GAK: variants seen among roughly 807,000 people sequenced by gnomAD.
GAK encodes the protein cyclin-G-associated kinase.
A neutral mutation model predicts 143.9 loss-of-function variants in GAK; 79 were observed. The ratio of observed to expected loss-of-function variants is 0.55; its 90% confidence interval spans 0.46 to 0.66. GAK has a LOEUF of 0.66. Ranked by LOEUF, GAK falls within the 30% of genes least tolerant of loss-of-function variation. The pLI is 0.00. For synonymous variants in GAK, 881 were observed against 765.5 expected (o/e 1.15, Z -2.49); for missense variants, 1,693 against 1,779.7 (o/e 0.95, Z 0.88).
chr4:882,644 G>A (rs1715375906), intron 14 of GAK, 53 bp downstream of exon 14: 2 of 1,595,918 alleles, frequency 1.3e-6, no homozygotes, highest in Admixed American at 1.7e-5. Flanking sequence ...AACTATGCAT[G>A]AAATAATGAA....
chr4:915,366 G>T, intron 1 of GAK: 1 of 184,236 alleles, frequency 5.4e-6, no homozygotes, highest in Admixed American at 6.2e-5. Flanking sequence ...GTTCTCCAAA[G>T]ACCAACGAGA....
chr4:866,544 C>T lies in GAK; in HGVS notation c.2873-10G>A. 6.2e-7 allele frequency: 1 copy of T among 1,612,094 alleles called. No individual in the cohort carries two copies. Reference sequence around the variant, plus strand: ...GGGCCAAAGGGGTCAGCTGTGGGGACAGGCGGGCATGGGGAGGACTCAGCC... The same window carrying T: ...GGGCCAAAGGGGTCAGCTGTGGGGATAGGCGGGCATGGGGAGGACTCAGCC... On this transcript the variant is annotated splice_polypyrimidine_tract_variant and intron_variant, in intron 21 of 27. Coordinates refer to ENST00000314167, the MANE Select transcript of GAK (RefSeq NM_005255.4).
At position 888,956 on chromosome 4, in the gene GAK, C is replaced by T. The variant is rs765473301; in HGVS notation, c.1096G>A (p.Glu366Lys). The change falls in exon 11 of 28, where the codon GAG becomes AAG. Residue 366 changes from glutamate to lysine, a missense_variant. By Grantham distance (56) the Glu-to-Lys change is moderately conservative. Coordinates refer to ENST00000314167, the MANE Select transcript of GAK (RefSeq NM_005255.4). ...AAGCCGCCATACGGCTGGTCGTACT[C>T]CGCCAGCGCCAGGCCTGCAGGGAGA... is the stretch of plus-strand genomic sequence containing the variant. ...SGYSGGLALA[E>K]YDQPYGGFLD... The T allele has an allele frequency of 1.2e-6, 2 of 1,611,496 alleles. No homozygotes were observed. Among genetic ancestry groups the T allele is most frequent in the East Asian group, 4.5e-5 (2 of 44,844 alleles).
chr4:907,166 G>T (rs1173178451), intron 4 of GAK, among the ~76,000 whole-genome samples: 1 of 152,172 alleles, frequency 6.6e-6, no homozygotes, highest in African/African-American at 2.4e-5. Context: ...GCTCAGGCTG[G>T]GCCACGCTAG....
intron 1 of GAK, among the ~76,000 whole-genome samples, chr4:931,578 C>T (rs1195991039): frequency 1.3e-5 from 2 of 152,248 alleles, no homozygotes; most frequent in South Asian, 2.1e-4. Flanking sequence ...AAGGCCAAGG[C>T]TTAAACCCAC....
At chr4:925,838 T>C (rs193042782) in intron 1 of GAK, among the ~76,000 whole-genome samples, 3 of 152,340 alleles carry the variant, frequency 2.0e-5, no homozygotes, top group East Asian at 1.9e-4. Context: ...CTGTGGTTTA[T>C]AGGCCCCCAG....
At chr4:880,860 G>A (rs921092526) in intron 15 of GAK, among the ~76,000 whole-genome samples, 1 of 152,196 alleles carries the variant, frequency 6.6e-6, no homozygotes, top group Non-Finnish European at 1.5e-5. Flanking sequence ...CCAGCCACAT[G>A]CCACAGGGAA....
At chr4:914,642 G>A (rs1316023857) in intron 1 of GAK, among the ~76,000 whole-genome samples, 2 of 85,634 alleles carry the variant, frequency 2.3e-5, no homozygotes, top group African/African-American at 4.9e-5. Context: ...CAGCCCTAGC[G>A]TGCACGGCCC....
intron 1 of GAK, among the ~76,000 whole-genome samples, chr4:921,513 G>A (rs557790124): frequency 1.3e-5 from 2 of 152,204 alleles, no homozygotes; most frequent in East Asian, 1.9e-4. Context: ...AAATAAACAC[G>A]GACATAAATC....
intron 2 of GAK, 30 bp from the exon 3 acceptor site, chr4:912,824 T>C (rs1295474547): frequency 7.5e-6 from 12 of 1,602,192 alleles, no homozygotes; most frequent in Non-Finnish European, 1.0e-5. Flanking sequence ...ACACAAAAGA[T>C]GAAAGCAAGT....
intron 1 of GAK, chr4:915,579 G>T (rs1212572672): frequency 6.6e-6 from 1 of 152,126 alleles, no homozygotes; most frequent in African/African-American, 2.4e-5. Context: ...AGCAGAGTTG[G>T]TTTAACATTT....
At chr4:860,887 T>C (rs941754206) in intron 23 of GAK, among the ~76,000 whole-genome samples, 4 of 152,242 alleles carry the variant, frequency 2.6e-5, no homozygotes, top group East Asian at 1.9e-4. Context: ...CTGAGGGCTG[T>C]GTCAACTCTG....
intron 1 of GAK, among the ~76,000 whole-genome samples, chr4:916,528 A>C (rs1156710360): frequency 1.3e-5 from 2 of 152,242 alleles, no homozygotes; most frequent in Non-Finnish European, 2.9e-5. Context: ...AGAAAACAAC[A>C]AAATTTTTAA....
rs1714137529 is a variant in GAK at position 877,279 on chromosome 4, G to C, written c.1857-72C>G. 4.8e-6 allele frequency: 5 copies of C among 1,045,208 alleles called. No individual in the cohort carries two copies. The South Asian group carries it at 6.4e-5, about 13-fold the overall frequency. The allele number at this position is 1,045,208 out of a possible 1,614,324, so 64.7% of individuals were successfully genotyped here. On this transcript the variant is annotated intron_variant, in intron 16 of 27. Coordinates refer to ENST00000314167, the MANE Select transcript of GAK (RefSeq NM_005255.4). ...AACCAAACAAAAACAACAAAAAACAGAATGAGAAATTGTCCACTTAGCTAA... is the reference window on the plus strand; with the variant it reads ...AACCAAACAAAAACAACAAAAAACACAATGAGAAATTGTCCACTTAGCTAA...
chr4:852,049 A>G, intron 24 of GAK, 75 bp from the exon 25 acceptor site: 1 of 1,253,104 alleles, frequency 8.0e-7, no homozygotes, highest in Admixed American at 1.9e-5. Flanking sequence ...AACGCAGAGC[A>G]CCACGTATAT....
At chr4:895,522 ACTGTCTCAGCCTGCAGCCCCACGTG>A (rs753126787) in intron 7 of GAK, among the ~76,000 whole-genome samples, 5 of 152,122 alleles carry the variant, frequency 3.3e-5, no homozygotes, top group East Asian at 1.9e-4. Context: ...CAGCCCACAT[ACTGTCTCAGCCTGCAGCCCCACGTG>A]CTGTCTCAGC....
rs1239477224 is a variant in GAK, at chr4:866,287, GCT to G, written c.3043+75_3043+76del. The G allele has an allele frequency of 6.2e-6, 9 of 1,444,496 alleles. No individual in the cohort carries two copies. In the African/African-American group the frequency reaches 9.8e-5, roughly 16 times the overall value. The allele number at this position is 1,444,496 out of a possible 1,614,324, so 89.5% of individuals were successfully genotyped here. A position where few individuals can be genotyped will look rare whatever the true frequency, so the allele number is the denominator to read the frequency against. ...GCCCCACCACTGCCTGAGACCCACA[GCT>G]CTGTTTCCCACCAGAGGCTGCGGTC... On this transcript the variant is annotated intron_variant, in intron 22 of 27. Coordinates refer to ENST00000314167, the MANE Select transcript of GAK (RefSeq NM_005255.4).
At position 911,709 on chromosome 4, in the gene GAK, G is replaced by T. The variant is rs1722075317; in HGVS notation, c.346C>A (p.Gln116Lys). ...SIGKEESDTG[Q>K]AEFLLLTELC... Reference sequence around the variant, plus strand: ...TCTGTGAGCAAGAGGAACTCAGCCTGCCCCGTGTCTGACTCCTCTTTTCCT... The same window carrying T: ...TCTGTGAGCAAGAGGAACTCAGCCTTCCCCGTGTCTGACTCCTCTTTTCCT... Residue 116 changes from glutamine to lysine, a missense_variant, in exon 4 of 28, where the codon CAG (glutamine) becomes AAG (lysine). By Grantham distance (53) the Gln-to-Lys change is moderately conservative. This residue lies in a region of GAK where 871 missense variants were observed against 991.0 expected (regional missense o/e 0.88). Transcript: ENST00000314167. The T allele has an allele frequency of 6.2e-7, 1 of 1,613,732 alleles. No homozygotes were observed.
At chr4:881,802 G>C in intron 15 of GAK, 105 bp downstream of exon 15, 3 of 1,329,172 alleles carry the variant, frequency 2.3e-6, no homozygotes, top group Non-Finnish European at 3.0e-6. Context: ...TCCCACCAGC[G>C]CCTGCAGCGG....
Sources: allele counts gnomAD v4.1 joint callset (sites outside exome capture counted in the v4.1 genomes callset), GRCh38; gene constraint gnomAD v4.1.1; regional missense constraint gnomAD v4.1.1; transcripts MANE v1.5; gene names NCBI Gene and HGNC (gene_info 2026-07-23, HGNC 2026-07-21).